MYOM1: variants seen among roughly 807,000 people sequenced by gnomAD.
The protein encoded by MYOM1 is myomesin 1.
In MYOM1, 164 loss-of-function variants were observed where a neutral mutation model predicts 205.3. The ratio of observed to expected loss-of-function variants is 0.80; its 90% CI spans 0.70 to 0.91. The LOEUF (loss-of-function observed/expected upper bound fraction) is 0.91. MYOM1 is among the 40% of genes least tolerant of loss of function. The pLI is 0.00. For missense variants in MYOM1, 2,011 were observed against 2,127.3 expected (o/e 0.95, Z 1.08); for synonymous variants, 772 against 789.4 (o/e 0.98, Z 0.37).
At chr18:3,175,040 G>A (rs554527561) in intron 6 of MYOM1, among the ~76,000 whole-genome samples, 1 of 152,242 alleles carries the variant, frequency 6.6e-6, no homozygotes, top group African/African-American at 2.4e-5. Context: ...AGTTTCATTT[G>A]TGTAAATTTT....
At chr18:3,130,471 A>G (rs1233226550) in intron 17 of MYOM1, among the ~76,000 whole-genome samples, 1 of 152,180 alleles carries the variant, frequency 6.6e-6, no homozygotes, top group African/African-American at 2.4e-5. Flanking sequence ...TTTATTTCAG[A>G]CACAGGATCT....
chr18:3,168,925 A>C lies in MYOM1; in HGVS notation c.1231T>G (p.Phe411Val). The change falls in exon 9 of 38, where the codon TTT (phenylalanine) becomes GTT (valine). Residue 411 changes from phenylalanine (F) to valine (V), a missense_variant. By Grantham distance (50) the Phe-to-Val change is conservative. Transcript: ENST00000356443. Reference sequence around the variant, plus strand: ...CCCTCTCTCCCAAAAGACACATCAAATTTGTCATCAAAGTGGATCTCAAAC... The same window carrying C: ...CCCTCTCTCCCAAAAGACACATCAACTTTGTCATCAAAGTGGATCTCAAAC... ...SRFEIHFDDKFDVSFGREGET... is the reference protein window; with the variant it reads ...SRFEIHFDDKVDVSFGREGET... The C allele has an allele frequency of 6.2e-7, 1 of 1,613,812 alleles. No individual in the cohort carries two copies. The highest frequency in any genetic ancestry group is 8.5e-7 in the Non-Finnish European group (1 of 1,179,812).
intron 26 of MYOM1, 142 bp downstream of exon 26, chr18:3,094,028 C>A: frequency 1.3e-6 from 1 of 754,146 alleles, no homozygotes. Context: ...TTTCATTTCA[C>A]AGTTTTCACT....
At chr18:3,126,930 G>C in intron 18 of MYOM1, 33 bp from the exon 19 acceptor site, 1 of 1,555,772 alleles carries the variant, frequency 6.4e-7, no homozygotes, top group Non-Finnish European at 8.8e-7. Flanking sequence ...TGAGTAGGCA[G>C]AAATGCATTT....
chr18:3,104,923 A>AT (rs367633809), intron 22 of MYOM1, among the ~76,000 whole-genome samples: 2,376 of 151,798 alleles, frequency 0.016, 44 homozygotes, highest in South Asian at 0.073. Context: ...ATTTTTTTGC[A>AT]TTTTTTGTAG....
At chr18:3,096,063 TCCTC>T (rs2079299004) in intron 25 of MYOM1, among the ~76,000 whole-genome samples, 1 of 152,174 alleles carries the variant, frequency 6.6e-6, no homozygotes, top group South Asian at 2.1e-4. Flanking sequence ...ATGTTCACTG[TCCTC>T]CCTGAGTCCT....
rs938761196 is a variant in MYOM1 at position 3,067,418 on chromosome 18, G to A, written c.4902C>T (p.Asn1634=). ...EAGRTAYFTI[N]GVSTADSGKY... ...TGCCCGAGTCAGCGGTGCTCACGCCGTTGATGGTGAAGTACGCGGTCCTCC... is the reference window on the plus strand; with the variant it reads ...TGCCCGAGTCAGCGGTGCTCACGCCATTGATGGTGAAGTACGCGGTCCTCC... The change falls in exon 38 of 38, where the codon AAC becomes AAT. Residue 1634 remains asparagine, a synonymous_variant. Coordinates refer to ENST00000356443, the MANE Select transcript of MYOM1 (RefSeq NM_003803.4). 9.3e-6 allele frequency: 15 copies of A among 1,613,476 alleles called. No individual in the cohort carries two copies. Among genetic ancestry groups the A allele is most frequent in the Non-Finnish European group, 1.1e-5 (13 of 1,179,910 alleles).
chr18:3,225,380 C>G, the MYOM1 span, among the ~76,000 whole-genome samples: 29 of 152,330 alleles, frequency 1.9e-4, no homozygotes, highest in Admixed American at 2.6e-4. Flanking sequence ...CCATCTGAAC[C>G]TTCTTCCCCT....
chr18:3,102,326 T>C lies in MYOM1; in HGVS notation c.3575+148A>G. On this transcript the variant is annotated intron_variant, in intron 23 of 37. Transcript: ENST00000356443. ...GCCTAGGATGATTATTTTTAAGGTT[T>C]AAGTTGGTTATTATTTTCTACAATA... is the stretch of plus-strand genomic sequence containing the variant. The C allele has an allele frequency of 5.6e-6, 5 of 888,932 alleles. No individual in the cohort carries two copies. In the South Asian group the frequency reaches 1.1e-4, roughly 20 times the overall value. The allele number at this position is 888,932 out of a possible 1,614,324, so 55.1% of individuals were successfully genotyped here.
At chr18:3,127,200 T>C (rs780632940) in intron 18 of MYOM1, among the ~76,000 whole-genome samples, 16 of 150,722 alleles carry the variant, frequency 1.1e-4, no homozygotes, top group Non-Finnish European at 1.9e-4. Flanking sequence ...TGTTTCTTTA[T>C]GTGGTTTAGT....
At chr18:3,186,330 T>C (rs932593502) in intron 5 of MYOM1, among the ~76,000 whole-genome samples, 1 of 152,198 alleles carries the variant, frequency 6.6e-6, no homozygotes, top group Non-Finnish European at 1.5e-5. Context: ...GCAGACACTC[T>C]GGGTGACAGT....
intron 19 of MYOM1, among the ~76,000 whole-genome samples, chr18:3,124,821 C>T (rs2079755968): frequency 6.6e-6 from 1 of 152,078 alleles, no homozygotes; most frequent in Non-Finnish European, 1.5e-5. Context: ...AGGCATTTCA[C>T]CACAAAGGCA....
chr18:3,079,586 C>T (rs992713681), intron 33 of MYOM1, among the ~76,000 whole-genome samples: 1 of 151,104 alleles, frequency 6.6e-6, no homozygotes, highest in Non-Finnish European at 1.5e-5. Context: ...AGTCTGAGGC[C>T]CAGTGCAAAT....
intron 2 of MYOM1, among the ~76,000 whole-genome samples, chr18:3,211,473 G>T (rs2081190187): frequency 6.6e-6 from 1 of 152,262 alleles, no homozygotes; most frequent in East Asian, 1.9e-4. Context: ...GATCATCCAA[G>T]ACTCTACTGA....
chr18:3,188,691 A>ACACACC, intron 4 of MYOM1, 57 bp downstream of exon 4: 1 of 1,329,738 alleles, frequency 7.5e-7, no homozygotes, highest in African/African-American at 1.5e-5. Flanking sequence ...ACACACACAC[A>ACACACC]CCCCTTATGA....
intron 5 of MYOM1, among the ~76,000 whole-genome samples, chr18:3,176,464 G>T (rs1036612785): frequency 2.1e-5 from 2 of 94,398 alleles, no homozygotes; most frequent in African/African-American, 8.6e-5. Flanking sequence ...CTTTTATATA[G>T]AATACAAAAA....
intron 2 of MYOM1, among the ~76,000 whole-genome samples, chr18:3,198,121 A>C (rs576816230): frequency 6.6e-6 from 1 of 152,204 alleles, no homozygotes; most frequent in African/African-American, 2.4e-5. Flanking sequence ...CTGGCCCCTT[A>C]AAGTTATGTT....
chr18:3,079,893 A>G (rs1243920950), intron 33 of MYOM1, among the ~76,000 whole-genome samples: 3 of 152,198 alleles, frequency 2.0e-5, no homozygotes, highest in Admixed American at 1.3e-4. Context: ...GTTGCCGCCA[A>G]CACGAATGAG....
intron 2 of MYOM1, among the ~76,000 whole-genome samples, chr18:3,214,573 T>C (rs1328606481): frequency 1.3e-5 from 2 of 152,194 alleles, no homozygotes; most frequent in East Asian, 1.9e-4. Flanking sequence ...CCTGTAATCC[T>C]AGCACTTTGA....
Sources: gnomAD v4.1 joint callset for allele counts (sites outside exome capture counted in the v4.1 genomes callset) on GRCh38, gnomAD v4.1.1 for gene constraint, MANE v1.5 for transcripts, NCBI Gene and HGNC (gene_info 2026-07-23, HGNC 2026-07-21) for gene names.